The following SEM1 variants were observed in gnomAD, a reference collection of about 807,000 sequenced individuals.
The protein encoded by SEM1 is SEM1 26S proteasome subunit.
SEM1 carries 3 observed loss-of-function variants against 12.7 expected under a neutral mutation model. That is an observed-to-expected ratio of 0.24 (90% CI 0.11 to 0.61). SEM1 has a LOEUF of 0.61. SEM1 is among the 20% of genes least tolerant of loss of function. The pLI, the probability that SEM1 is intolerant of heterozygous loss-of-function variation, is 0.88. For synonymous variants in SEM1, 30 were observed against 27.8 expected (o/e 1.08, Z -0.25); for missense variants, 59 against 81.3 (o/e 0.73, Z 1.06).
intron 2 of SEM1, among the ~76,000 whole-genome samples, chr7:96,653,013 C>A (rs967222619): frequency 3.3e-5 from 5 of 152,190 alleles, no homozygotes; most frequent in Non-Finnish European, 4.4e-5. Flanking sequence ...CACTAAGCTA[C>A]ATGCTTTTCA....
chr7:96,694,708 G>T, intron 2 of SEM1, 90 bp downstream of exon 2: 1 of 828,354 alleles, frequency 1.2e-6, no homozygotes, highest in Non-Finnish European at 2.0e-6. Context: ...AGATTAAGTA[G>T]CTTTTAAGAG....
exon 4 of SEM1, chr7:96,483,461 C>A: frequency 4.5e-6 from 1 of 224,068 alleles, no homozygotes; most frequent in Non-Finnish European, 9.0e-6. Context: ...TAAGGTTGTG[C>A]TGCAGTAGCA....
At chr7:96,618,516 A>G (rs1403491691), downstream of SEM1, among the ~76,000 whole-genome samples, 1 of 152,178 alleles carries the variant, frequency 6.6e-6, no homozygotes, top group Non-Finnish European at 1.5e-5. Context: ...AGGAGAACCA[A>G]TAACTCGTAA....
chr7:96,631,454 A>G (rs1808257719), intron 2 of SEM1, among the ~76,000 whole-genome samples: 1 of 152,162 alleles, frequency 6.6e-6, no homozygotes, highest in Non-Finnish European at 1.5e-5. Context: ...CCCAGTGCAC[A>G]GAAAAGCTCT....
chr7:96,576,939 G>A (rs981287513), intron 2 of SEM1, among the ~76,000 whole-genome samples: 14 of 152,216 alleles, frequency 9.2e-5, no homozygotes, highest in Admixed American at 3.9e-4. Flanking sequence ...CCAACATGGT[G>A]AAACCCCGTT....
chr7:96,607,633 A>G (rs1025946087), intron 2 of SEM1, among the ~76,000 whole-genome samples: 18 of 152,140 alleles, frequency 1.2e-4, no homozygotes, highest in Admixed American at 7.9e-4. Context: ...CCTCATGTAC[A>G]TTGATTGTGC....
intron 2 of SEM1, among the ~76,000 whole-genome samples, chr7:96,553,537 C>T (rs1805369031): frequency 6.6e-6 from 1 of 152,052 alleles, no homozygotes; most frequent in Admixed American, 6.6e-5. Context: ...GGGCTCTGTT[C>T]TGTTCCATTG....
intron 2 of SEM1, among the ~76,000 whole-genome samples, chr7:96,628,653 A>G (rs1808150841): frequency 6.6e-6 from 1 of 152,124 alleles, no homozygotes; most frequent in Non-Finnish European, 1.5e-5. Flanking sequence ...TCATCTTTCT[A>G]CTTAAGGCAT....
chr7:96,584,961 C>T (rs1466038933), intron 2 of SEM1, among the ~76,000 whole-genome samples: 23 of 151,394 alleles, frequency 1.5e-4, no homozygotes, highest in Admixed American at 1.5e-3. Flanking sequence ...GCCTTCTTCT[C>T]TCAGCTCGTC....
At chr7:96,510,837 A>G (rs1376809402) in intron 2 of SEM1, among the ~76,000 whole-genome samples, 5 of 152,138 alleles carry the variant, frequency 3.3e-5, no homozygotes, top group African/African-American at 4.8e-5. Context: ...GGCTGCAGCT[A>G]TATGCATCTC....
chr7:96,555,996 G>A, intron 2 of SEM1, among the ~76,000 whole-genome samples: 1 of 101,354 alleles, frequency 9.9e-6, no homozygotes, highest in Non-Finnish European at 2.5e-5. Context: ...TGTTTTATCA[G>A]AGACTAGGAT....
upstream of SEM1, among the ~76,000 whole-genome samples, chr7:96,498,255 A>G (rs1036306820): frequency 6.6e-6 from 1 of 152,206 alleles, no homozygotes; most frequent in African/African-American, 2.4e-5. Context: ...CAATGTTTGC[A>G]ATAAAATATA....
At chr7:96,507,453 A>G (rs1209862198) in intron 2 of SEM1, among the ~76,000 whole-genome samples, 1 of 152,280 alleles carries the variant, frequency 6.6e-6, no homozygotes, top group Non-Finnish European at 1.5e-5. Context: ...ATTCTGGCCA[A>G]CATAACCAGT....
chr7:96,517,348 C>A (rs926288925), intron 2 of SEM1, among the ~76,000 whole-genome samples: 7 of 152,018 alleles, frequency 4.6e-5, no homozygotes, highest in African/African-American at 1.7e-4. Context: ...AATCTCTGTA[C>A]CTTCCTCTCA....
intron 2 of SEM1, among the ~76,000 whole-genome samples, chr7:96,658,468 A>G (rs181785617): frequency 3.3e-5 from 5 of 152,254 alleles, no homozygotes; most frequent in East Asian, 1.9e-4. Context: ...GTGTTTTTCA[A>G]TATTAAAAAT....
intron 2 of SEM1, among the ~76,000 whole-genome samples, chr7:96,569,599 A>T (rs1386689725): frequency 6.6e-6 from 1 of 152,010 alleles, no homozygotes; most frequent in African/African-American, 2.4e-5. Flanking sequence ...GATTTCTTAC[A>T]TGTATGTATT....
chr7:96,704,502 C>T (rs527826990), intron 1 of SEM1, among the ~76,000 whole-genome samples: 2 of 152,220 alleles, frequency 1.3e-5, no homozygotes, highest in South Asian at 2.1e-4. Flanking sequence ...GAACCTAGGC[C>T]TAATCCTAGA....
downstream of SEM1, among the ~76,000 whole-genome samples, chr7:96,617,703 G>A (rs1275671181): frequency 6.6e-6 from 1 of 152,046 alleles, no homozygotes; most frequent in Non-Finnish European, 1.5e-5. Context: ...TTATGTTGAG[G>A]TATGTTTCTT....
chr7:96,691,578 G>T (rs1197385142), intron 2 of SEM1, among the ~76,000 whole-genome samples: 1 of 152,198 alleles, frequency 6.6e-6, no homozygotes, highest in African/African-American at 2.4e-5. Flanking sequence ...TCAGACAACA[G>T]TAAACTCCAT....
Sources: gnomAD v4.1 joint callset for allele counts (sites outside exome capture counted in the v4.1 genomes callset) on GRCh38, gnomAD v4.1.1 for gene constraint, MANE v1.5 for transcripts, NCBI Gene and HGNC (gene_info 2026-07-23, HGNC 2026-07-21) for gene names.